Variants in RCL1 observed in about 807,000 individuals in gnomAD.
RCL1 encodes the protein RNA terminal phosphate cyclase like 1.
Under a neutral mutation model 42.4 loss-of-function variants are expected in RCL1, and 24 were observed. The ratio of observed to expected loss-of-function variants is 0.57; its 90% CI spans 0.41 to 0.80. The LOEUF is 0.80. Among genes scored for constraint, RCL1 ranks in the 30% least tolerant of loss-of-function variants. RCL1 has a pLI of 0.00. For synonymous variants in RCL1, 228 were observed against 177.3 expected (o/e 1.29, Z -2.27); for missense variants, 578 against 467.9 (o/e 1.24, Z -2.17).
At chr9:4,837,852 G>T (rs886147157) in intron 5 of RCL1, among the ~76,000 whole-genome samples, 2 of 152,164 alleles carry the variant, frequency 1.3e-5, no homozygotes, top group African/African-American at 4.8e-5. Flanking sequence ...TGGAGGCAGG[G>T]GATAGGACAT....
intron 1 of RCL1, among the ~76,000 whole-genome samples, chr9:4,805,242 C>G (rs550000534): frequency 1.3e-5 from 2 of 152,154 alleles, no homozygotes; most frequent in African/African-American, 4.8e-5. Context: ...AAACCAAAAA[C>G]TTTGGTTGGT....
chr9:4,800,219 T>G (rs1248643133), intron 1 of RCL1, among the ~76,000 whole-genome samples: 1 of 152,076 alleles, frequency 6.6e-6, no homozygotes, highest in Non-Finnish European at 1.5e-5. Flanking sequence ...TTCTTTTTTT[T>G]TTTATTTTTA....
chr9:4,835,334 T>C (rs1364579166), intron 5 of RCL1, among the ~76,000 whole-genome samples: 1 of 152,030 alleles, frequency 6.6e-6, no homozygotes, highest in East Asian at 1.9e-4. Flanking sequence ...TCCTGGAAGC[T>C]CAGGTCAGCA....
At chr9:4,849,647 T>C (rs17803780) in intron 8 of RCL1, 97 bp downstream of exon 8, 170,950 of 809,812 alleles carry the variant, frequency 0.21, 20,426 homozygotes, top group East Asian at 0.51. Flanking sequence ...GCCTGCACTA[T>C]GAACACCTGC....
chr9:4,824,633 C>T (rs537735404), intron 2 of RCL1, among the ~76,000 whole-genome samples: 15 of 152,184 alleles, frequency 9.9e-5, no homozygotes, highest in Non-Finnish European at 1.6e-4. Context: ...AACTCTCTAC[C>T]TTTCCGCACA....
chr9:4,828,247 C>G (rs910131746), intron 3 of RCL1, among the ~76,000 whole-genome samples: 1 of 151,638 alleles, frequency 6.6e-6, no homozygotes, highest in East Asian at 1.9e-4. Context: ...CATTACAGGC[C>G]AAGACCAATG....
At chr9:4,831,146 C>T (rs183462769) in intron 3 of RCL1, among the ~76,000 whole-genome samples, 1 of 152,250 alleles carries the variant, frequency 6.6e-6, no homozygotes, top group Admixed American at 6.5e-5. Flanking sequence ...CTTGTCCCAC[C>T]GCACCAAGTT....
chr9:4,798,419 T>G (rs1563825341), intron 1 of RCL1, among the ~76,000 whole-genome samples: 1 of 152,262 alleles, frequency 6.6e-6, no homozygotes, highest in Non-Finnish European at 1.5e-5. Flanking sequence ...GAGCAGGTCA[T>G]GTAACTAAGC....
chr9:4,859,522 G>C (rs900048505), intron 8 of RCL1, among the ~76,000 whole-genome samples: 1 of 152,152 alleles, frequency 6.6e-6, no homozygotes, highest in Non-Finnish European at 1.5e-5. Context: ...GTAGGCACTT[G>C]ATACATATTA....
At position 4,805,608 on chromosome 9, in the gene RCL1, C is replaced by G. The variant is rs563605573; in HGVS notation, c.136+12381C>G. 1.3e-4 allele frequency among the ~76,000 whole-genome samples: 20 copies of G among 152,324 alleles called. No homozygotes were observed. The South Asian group carries it at 4.2e-3, about 32-fold the overall frequency. On this transcript the variant is annotated intron_variant, in intron 1 of 8. Transcript: ENST00000381750. The stretch of plus-strand genomic sequence containing the variant: ...AGTGGCCAGCCTGTACTCTCTTTGA[C>G]TCATCAGTTCCCTCATGCTATGGGC...
chr9:4,825,671 ATACCTTG>A (rs1229320036), intron 2 of RCL1, among the ~76,000 whole-genome samples: 4 of 152,226 alleles, frequency 2.6e-5, no homozygotes. Context: ...TGCAGCAGAA[ATACCTTG>A]TTCAACCATT....
chr9:4,831,345 G>C (rs964649521), intron 3 of RCL1, among the ~76,000 whole-genome samples: 3 of 149,036 alleles, frequency 2.0e-5, no homozygotes, highest in Non-Finnish European at 4.4e-5. Flanking sequence ...TGGCTGCCCA[G>C]AGTAACTGCA....
At chr9:4,828,870 G>C (rs1337353709) in intron 3 of RCL1, among the ~76,000 whole-genome samples, 2 of 152,204 alleles carry the variant, frequency 1.3e-5, no homozygotes, top group Non-Finnish European at 2.9e-5. Context: ...GCTTTTGCCA[G>C]CTGCATGACT....
intron 3 of RCL1, 157 bp downstream of exon 3, chr9:4,827,190 GC>G: frequency 6.5e-7 from 1 of 1,543,208 alleles, no homozygotes; most frequent in Non-Finnish European, 8.7e-7. Context: ...ACTCCAGGAG[GC>G]AGATGAACCA....
chr9:4,856,816 C>T (rs962368141), intron 8 of RCL1, among the ~76,000 whole-genome samples: 1 of 152,184 alleles, frequency 6.6e-6, no homozygotes, highest in Admixed American at 6.5e-5. Flanking sequence ...AACTCCTGCC[C>T]TCTAGGGTTG....
intron 8 of RCL1, among the ~76,000 whole-genome samples, chr9:4,857,239 C>T (rs1817991424): frequency 6.6e-6 from 1 of 152,184 alleles, no homozygotes; most frequent in South Asian, 2.1e-4. Flanking sequence ...CCTGTGCCAG[C>T]TCACAGTGCC....
At chr9:4,800,403 C>T (rs145211645) in intron 1 of RCL1, among the ~76,000 whole-genome samples, 2,281 of 151,482 alleles carry the variant, frequency 0.015, 69 homozygotes, top group African/African-American at 0.053. Flanking sequence ...TTAGTAGAGA[C>T]GGGGTTTCGG....
intron 1 of RCL1, among the ~76,000 whole-genome samples, chr9:4,816,209 T>G (rs1238168283): frequency 1.3e-5 from 2 of 152,210 alleles, no homozygotes; most frequent in Non-Finnish European, 2.9e-5. Context: ...TTTTTCTTAT[T>G]TAATTGTTGA....
Position 4,833,172 on chromosome 9 carries a change from A to G in RCL1, c.403A>G (p.Thr135Ala), listed in dbSNP as rs1817007226. ...VDPSVDVLKATALPLLKQFGI... is the reference protein window; with the variant it reads ...VDPSVDVLKAAALPLLKQFGI... ...TTCATAGGTTGATGTTCTTAAGGCA[A>G]CAGCACTCCCTTTGTTGAAACAATT... Residue 135 changes from threonine to alanine, a missense_variant, in exon 4 of 9, where the codon ACA becomes GCA. Coordinates refer to ENST00000381750, the MANE Select transcript of RCL1 (RefSeq NM_005772.5). 4 of 1,612,428 alleles carry G rather than the reference A, an allele frequency of 2.5e-6. No individual in the cohort carries two copies. Among genetic ancestry groups the G allele is most frequent in the South Asian group, 2.2e-5 (2 of 91,042 alleles).
Sources: allele counts gnomAD v4.1 joint callset (sites outside exome capture counted in the v4.1 genomes callset), GRCh38; gene constraint gnomAD v4.1.1; transcripts MANE v1.5; gene names NCBI Gene and HGNC (gene_info 2026-07-23, HGNC 2026-07-21).